NCAPD3: variants seen among roughly 807,000 people sequenced by gnomAD.
The protein encoded by NCAPD3 is non-SMC condensin II complex subunit D3.
NCAPD3 carries 105 observed loss-of-function variants against 182.9 expected under a neutral mutation model. The observed-to-expected ratio is 0.57, with a 90% CI of 0.49 to 0.68. NCAPD3 has a LOEUF of 0.68. Among genes scored for constraint, NCAPD3 ranks in the 30% least tolerant of loss-of-function variants. The pLI is 0.00. For missense variants in NCAPD3, 1,944 were observed against 1,837.0 expected, an observed-to-expected ratio of 1.06 and a Z score of -1.07; for synonymous variants, 815 against 679.9, an observed-to-expected ratio of 1.20 and a Z score of -3.09.
chr11:134,218,175 T>C (rs1591866969), intron 2 of NCAPD3, among the ~76,000 whole-genome samples: 2 of 146,504 alleles, frequency 1.4e-5, no homozygotes, highest in African/African-American at 5.1e-5. Flanking sequence ...TAATGCCACC[T>C]GCACCTCCAC....
intron 27 of NCAPD3, 116 bp downstream of exon 27, chr11:134,167,880 G>A: frequency 9.9e-7 from 1 of 1,010,606 alleles, no homozygotes; most frequent in Admixed American, 2.0e-5. Flanking sequence ...GAGCTTGGGG[G>A]AGGTGCACAC....
chr11:134,213,085 T>C (rs1937896108), intron 3 of NCAPD3, among the ~76,000 whole-genome samples: 1 of 152,160 alleles, frequency 6.6e-6, no homozygotes, highest in South Asian at 2.1e-4. Context: ...CCCAGCCCTT[T>C]GGGAGGCTGA....
chr11:134,224,274 T>C (rs1938366049), upstream of NCAPD3: 1 of 386,188 alleles, frequency 2.6e-6, no homozygotes, highest in Admixed American at 4.4e-5. Flanking sequence ...GTACTTCCGG[T>C]AGTAACTGTC....
rs775494293 is a variant in NCAPD3, at chr11:134,204,072, G to C, written c.1189C>G (p.Leu397Val). 1.9e-6 allele frequency: 3 copies of C among 1,614,028 alleles called. No individual in the cohort carries two copies. In the African/African-American group the frequency reaches 4.0e-5, roughly 22 times the overall value. ...TTGGAACTTCGGGAGTATTTGTAAA[G>C]CCAGGCAATGAACATAGCGTATTCC... ...CGEYAMFIAWLYKYSRSSKIP... is the reference protein window; with the variant it reads ...CGEYAMFIAWVYKYSRSSKIP... Residue 397 changes from leucine to valine, a missense_variant, in exon 10 of 35, where the codon CTT (leucine) becomes GTT (valine). Physicochemically the swap from Leu to Val is conservative, Grantham distance 32. Around this residue, in one of 3 missense-constraint regions of NCAPD3, gnomAD observed 1,803 missense variants for 1,674.6 expected, o/e 1.08. Coordinates refer to ENST00000534548, the MANE Select transcript of NCAPD3 (RefSeq NM_015261.3). This position sits in a 1 kb window ranked among gnomAD's most constrained non-coding sequence, Gnocchi z 4.3.
intron 16 of NCAPD3, among the ~76,000 whole-genome samples, chr11:134,189,659 A>G (rs1458796863): frequency 6.6e-6 from 1 of 152,218 alleles, no homozygotes; most frequent in Non-Finnish European, 1.5e-5. Context: ...GAAGTTGTAC[A>G]TAATCAATTT....
chr11:134,187,008 C>A (rs1277374116), intron 16 of NCAPD3, among the ~76,000 whole-genome samples: 1 of 152,046 alleles, frequency 6.6e-6, no homozygotes, highest in African/African-American at 2.4e-5. Flanking sequence ...ATGTAGCCAA[C>A]AGAATTGGGA....
chr11:134,194,952 T>C (rs1944596663), intron 13 of NCAPD3, among the ~76,000 whole-genome samples: 1 of 152,248 alleles, frequency 6.6e-6, no homozygotes, highest in Non-Finnish European at 1.5e-5. Flanking sequence ...AAATTTGGTT[T>C]TAAATCTCAG....
At chr11:134,166,031 G>C (rs1324205816) in intron 27 of NCAPD3, among the ~76,000 whole-genome samples, 2 of 113,806 alleles carry the variant, frequency 1.8e-5, no homozygotes, top group Admixed American at 8.5e-5. Context: ...CTTGGGGGAG[G>C]CGCACACTCA....
intron 24 of NCAPD3, among the ~76,000 whole-genome samples, 159 bp downstream of exon 24, chr11:134,176,148 T>C (rs1332175640): frequency 1.3e-5 from 2 of 152,174 alleles, no homozygotes; most frequent in African/African-American, 2.4e-5. Context: ...AGGTTTGTTA[T>C]ATTGCTTAGC....
intron 28 of NCAPD3, among the ~76,000 whole-genome samples, chr11:134,160,318 A>G (rs1391011595): frequency 4.6e-5 from 7 of 152,188 alleles, no homozygotes; most frequent in Admixed American, 4.6e-4. Flanking sequence ...AACAGGTACA[A>G]TGGTATATTT....
chr11:134,161,847 G>A lies in NCAPD3; in HGVS notation c.3618C>T (p.Ile1206=), dbSNP rs1943590531. The stretch of plus-strand genomic sequence containing the variant: ...TTTTCTCCAGCACAGTCTTCAGGGA[G>A]ATGATAATTGGAATAATATTTTCTA... ...NFIENIIPII[I]SLKTVLEKNK... Residue 1206 remains isoleucine (I), a synonymous_variant, in exon 28 of 35, where the codon ATC becomes ATT. Transcript: ENST00000534548. 3.2e-6 allele frequency: 5 copies of A among 1,585,438 alleles called. No homozygotes were observed. The highest frequency in any genetic ancestry group is 2.2e-5 in the East Asian group (1 of 44,688).
chr11:134,157,813 G>A (rs907281375), intron 31 of NCAPD3, 115 bp downstream of exon 31: 16 of 1,170,848 alleles, frequency 1.4e-5, no homozygotes, highest in South Asian at 1.9e-5. Context: ...CCCAATTAAC[G>A]TTATTTGTTT....
At chr11:134,199,291 C>T (rs1565548369) in intron 13 of NCAPD3, among the ~76,000 whole-genome samples, 1 of 152,124 alleles carries the variant, frequency 6.6e-6, no homozygotes, top group Non-Finnish European at 1.5e-5. Flanking sequence ...CAGCAGCAAA[C>T]AGAGAAAAAG....
intron 28 of NCAPD3, among the ~76,000 whole-genome samples, chr11:134,161,224 T>G (rs1943570116): frequency 6.6e-6 from 1 of 152,106 alleles, no homozygotes; most frequent in Non-Finnish European, 1.5e-5. Context: ...AGTAAAAGAT[T>G]TTGCAAGAAA....
intron 22 of NCAPD3, chr11:134,177,691 T>C (rs1414649768): frequency 7.7e-6 from 4 of 520,608 alleles, no homozygotes; most frequent in Non-Finnish European, 1.4e-5. Context: ...GATGTTCCTT[T>C]ACACTAATAA....
intron 32 of NCAPD3, among the ~76,000 whole-genome samples, chr11:134,154,914 T>C (rs1943377331): frequency 6.6e-6 from 1 of 152,208 alleles, no homozygotes; most frequent in African/African-American, 2.4e-5. Flanking sequence ...CTAGATCTGC[T>C]TATTCTGTTT....
intron 19 of NCAPD3, among the ~76,000 whole-genome samples, chr11:134,183,343 C>T (rs920668967): frequency 6.6e-6 from 1 of 152,058 alleles, no homozygotes; most frequent in East Asian, 1.9e-4. Flanking sequence ...CTGAAGCAGG[C>T]GATCACTTGA....
At chr11:134,189,614 T>C (rs1391606790) in intron 16 of NCAPD3, among the ~76,000 whole-genome samples, 1 of 152,212 alleles carries the variant, frequency 6.6e-6, no homozygotes, top group Non-Finnish European at 1.5e-5. Context: ...CATTATCCTA[T>C]TAATACAGAA....
Position 134,204,791 on chromosome 11 carries a change from G to T in NCAPD3, c.1089+108C>A. The T allele has an allele frequency of 1.2e-6, 1 of 831,698 alleles. No homozygotes were observed. The allele number at this position is 831,698 out of a possible 1,614,324, so 51.5% of individuals were successfully genotyped here. A position where few individuals can be genotyped will look rare whatever the true frequency, so the allele number is the denominator to read the frequency against. The stretch of plus-strand genomic sequence containing the variant: ...AAATAAAACCACTTTAAGTAACAAT[G>T]CACACTCATTCCCAAGAACAAATAC... On this transcript the variant is annotated intron_variant, in intron 9 of 34. Transcript: ENST00000534548. The surrounding 1 kb of genome is among the most constrained non-coding windows in gnomAD (Gnocchi z 4.3).
Sources: allele counts gnomAD v4.1 joint callset (sites outside exome capture counted in the v4.1 genomes callset), GRCh38; gene constraint gnomAD v4.1.1; regional missense constraint gnomAD v4.1.1; non-coding constraint Gnocchi (gnomAD v3.1); transcripts MANE v1.5; gene names NCBI Gene and HGNC (gene_info 2026-07-23, HGNC 2026-07-21).